Variants in PMPCB observed in about 807,000 individuals in gnomAD.
PMPCB encodes the protein peptidase, mitochondrial processing subunit beta, also known as mitochondrial-processing peptidase subunit beta.
A neutral mutation model predicts 61.5 loss-of-function variants in PMPCB; 46 were observed. That is an observed-to-expected ratio of 0.75 (90% CI 0.59 to 0.96). PMPCB has a LOEUF of 0.96. Ranked by LOEUF, PMPCB falls within the 40% of genes least tolerant of loss-of-function variation. The probability of loss-of-function intolerance (pLI) is 0.00; values close to 1 mark genes in which losing one functional copy is unlikely to be tolerated. For missense variants in PMPCB, 590 were observed against 602.4 expected (o/e 0.98, Z 0.22); for synonymous variants, 191 against 201.6 (o/e 0.95, Z 0.44).
downstream of PMPCB, among the ~76,000 whole-genome samples, chr7:103,315,356 A>G (rs544308162): frequency 4.6e-5 from 7 of 152,284 alleles, no homozygotes; most frequent in African/African-American, 1.4e-4. Context: ...ACTTTGAACC[A>G]TAAGTTACAG....
chr7:103,338,766 C>T, the PMPCB span, among the ~76,000 whole-genome samples: 7 of 151,204 alleles, frequency 4.6e-5, no homozygotes, highest in South Asian at 2.1e-4. Context: ...AAAAATTAGC[C>T]GGGCGTGGTG....
At chr7:103,344,573 T>TG in the PMPCB span, 1 of 1,613,540 alleles carries the variant, frequency 6.2e-7, no homozygotes, top group Non-Finnish European at 8.5e-7. Flanking sequence ...GGTCAGAGCG[T>TG]GGGTGATGGC....
intron 4 of PMPCB, among the ~76,000 whole-genome samples, chr7:103,302,867 CT>C (rs1817485134): frequency 6.6e-6 from 1 of 151,910 alleles, no homozygotes; most frequent in South Asian, 2.1e-4. Flanking sequence ...ATAATGAGAC[CT>C]TGTCTCTTAG....
At chr7:103,308,490 T>G (rs1817648167) in intron 7 of PMPCB, among the ~76,000 whole-genome samples, 1 of 151,958 alleles carries the variant, frequency 6.6e-6, no homozygotes, top group Non-Finnish European at 1.5e-5. Context: ...GGCGTGGTGG[T>G]GCATGCCTGT....
chr7:103,326,463 G>T, intron 12 of PMPCB: 1 of 1,372,440 alleles, frequency 7.3e-7, no homozygotes, highest in Non-Finnish European at 1.0e-6. Flanking sequence ...ACTATTATCA[G>T]AGGGAAAGAG....
chr7:103,321,815 T>C (rs569099930), intron 12 of PMPCB: 3 of 1,227,292 alleles, frequency 2.4e-6, no homozygotes, highest in East Asian at 5.0e-5. Flanking sequence ...GCCACTGCAC[T>C]CCAGCCTGGG....
At chr7:103,337,808 G>C in the PMPCB span, 2 of 1,611,248 alleles carry the variant, frequency 1.2e-6, no homozygotes, top group Non-Finnish European at 1.7e-6. Flanking sequence ...TAATGATCTT[G>C]GTTCTGGAAA....
intron 4 of PMPCB, among the ~76,000 whole-genome samples, chr7:103,302,549 G>C (rs1817478319): frequency 6.6e-6 from 1 of 152,072 alleles, no homozygotes; most frequent in African/African-American, 2.4e-5. Context: ...ACTGGACTCT[G>C]TTCTCTTATC....
At chr7:103,329,216 G>T in exon 13 of PMPCB, 1 of 248,366 alleles carries the variant, frequency 4.0e-6, no homozygotes, top group Non-Finnish European at 7.9e-6. Context: ...ACATGTGCCA[G>T]GCCTGTTTAC....
chr7:103,322,968 C>T (rs1010517219), intron 12 of PMPCB, among the ~76,000 whole-genome samples: 12 of 150,698 alleles, frequency 8.0e-5, no homozygotes, highest in African/African-American at 2.4e-4. Context: ...TTGCTCTTGT[C>T]GCCCAGGCTG....
At chr7:103,297,920 A>G (rs968792176) in intron 1 of PMPCB, 3 of 1,280,088 alleles carry the variant, frequency 2.3e-6, no homozygotes, top group Admixed American at 3.2e-5. Flanking sequence ...CTTCGTCCTC[A>G]GCTGGGCTTC....
the PMPCB span, chr7:103,336,444 A>G: frequency 6.6e-6 from 1 of 152,228 alleles, no homozygotes; most frequent in African/African-American, 2.4e-5. Flanking sequence ...CCTGGGTTCA[A>G]GCAATTCTCC....
At chr7:103,322,882 C>T in intron 12 of PMPCB, 1 of 1,022,166 alleles carries the variant, frequency 9.8e-7, no homozygotes, top group South Asian at 1.5e-5. Flanking sequence ...TTTATATGTA[C>T]ATAACATCCT....
downstream of PMPCB, chr7:103,316,153 A>ATCTAATGGTTTTTGT: frequency 9.5e-7 from 1 of 1,051,794 alleles, no homozygotes; most frequent in Non-Finnish European, 1.4e-6. Flanking sequence ...AACGACAAAA[A>ATCTAATGGTTTTTGT]CCATTAGATT....
At chr7:103,304,729 G>A (rs537723973) in intron 6 of PMPCB, among the ~76,000 whole-genome samples, 12 of 152,186 alleles carry the variant, frequency 7.9e-5, no homozygotes, top group Middle Eastern at 6.8e-3. Context: ...TTGGGAGGCC[G>A]AGGTGGGCGG....
chr7:103,317,689 C>T (rs1175544748), downstream of PMPCB, among the ~76,000 whole-genome samples: 3 of 152,112 alleles, frequency 2.0e-5, no homozygotes, highest in African/African-American at 4.8e-5. Context: ...CTCACTCTGT[C>T]GCCCAGGCTG....
At chr7:103,346,172 G>A in the PMPCB span, among the ~76,000 whole-genome samples, 3 of 151,732 alleles carry the variant, frequency 2.0e-5, no homozygotes, top group Non-Finnish European at 4.4e-5. Flanking sequence ...TTGCTCTGTC[G>A]CCCAGGCTGG....
chr7:103,326,706 T>A, intron 12 of PMPCB: 1 of 1,593,954 alleles, frequency 6.3e-7, no homozygotes, highest in Non-Finnish European at 8.5e-7. Flanking sequence ...ATTGTTAAGA[T>A]CACATCACCA....
chr7:103,340,992 C>T, the PMPCB span, among the ~76,000 whole-genome samples: 7,979 of 152,250 alleles, frequency 0.052, 289 homozygotes, highest in South Asian at 0.14. Context: ...GTCACTCAAG[C>T]GCTAATGCTG....
Sources: allele counts gnomAD v4.1 joint callset (sites outside exome capture counted in the v4.1 genomes callset), GRCh38; gene constraint gnomAD v4.1.1; transcripts MANE v1.5; gene names NCBI Gene and HGNC (gene_info 2026-07-23, HGNC 2026-07-21).